ZFPM2: variants seen among roughly 807,000 people sequenced by gnomAD.
ZFPM2 encodes the protein zinc finger protein ZFPM2.
Under a neutral mutation model 98.6 loss-of-function variants are expected in ZFPM2, and 20 were observed. The observed-to-expected ratio is 0.20, with a 90% confidence interval of 0.14 to 0.29. The LOEUF (loss-of-function observed/expected upper bound fraction) is 0.29. ZFPM2 is among the 10% of genes least tolerant of loss of function. The pLI, the probability that ZFPM2 is intolerant of heterozygous loss-of-function variation, is 1.00. For missense variants in ZFPM2, 1,310 were observed against 1,388.6 expected, an observed-to-expected ratio of 0.94 and a Z score of 0.90; for synonymous variants, 518 against 502.7, an observed-to-expected ratio of 1.03 and a Z score of -0.41.
chr8:105,471,186 C>G (rs2130347514), intron 3 of ZFPM2, among the ~76,000 whole-genome samples: 1 of 152,264 alleles, frequency 6.6e-6, no homozygotes, highest in East Asian at 1.9e-4. Context: ...TCTTGGCAAA[C>G]TATGTATACG....
chr8:105,596,014 A>T (rs1472219299), intron 4 of ZFPM2, among the ~76,000 whole-genome samples: 2 of 151,424 alleles, frequency 1.3e-5, no homozygotes, highest in African/African-American at 2.4e-5. Flanking sequence ...AAAAAAAAAA[A>T]AAACCAACAA....
rs1812328307 is a variant in ZFPM2 at position 105,444,482 on chromosome 8, G to A, written c.301+101G>A. Reference sequence around the variant, plus strand: ...CAGTTAGCTTGCAAAAAATGTTTTTGTGTGTGCTGGTTACATGAGAGTTTA... The same window carrying A: ...CAGTTAGCTTGCAAAAAATGTTTTTATGTGTGCTGGTTACATGAGAGTTTA... On this transcript the variant is annotated intron_variant, in intron 3 of 7. Transcript: ENST00000407775. 4 of 738,998 alleles carry A rather than the reference G, an allele frequency of 5.4e-6. No homozygotes were observed. The East Asian group carries it at 1.1e-4, about 21-fold the overall frequency. The allele number at this position is 738,998 out of a possible 1,614,324, so 45.8% of individuals were successfully genotyped here.
chr8:105,480,123 A>T (rs1813086036), intron 3 of ZFPM2, among the ~76,000 whole-genome samples: 1 of 152,142 alleles, frequency 6.6e-6, no homozygotes, highest in Non-Finnish European at 1.5e-5. Flanking sequence ...TGCTTTTCTC[A>T]TAGGTAGCTG....
At chr8:105,378,805 A>G (rs1810782815) in intron 1 of ZFPM2, among the ~76,000 whole-genome samples, 1 of 152,160 alleles carries the variant, frequency 6.6e-6, no homozygotes, top group Admixed American at 6.5e-5. Context: ...TATTTCTGAT[A>G]TTTGCCACTA....
intron 5 of ZFPM2, among the ~76,000 whole-genome samples, chr8:105,729,553 C>G (rs552350016): frequency 5.9e-5 from 9 of 151,730 alleles, no homozygotes; most frequent in African/African-American, 2.2e-4. Context: ...TGTATTAAAG[C>G]CATAATTGTC....
At chr8:105,700,312 A>G (rs1248195515) in intron 5 of ZFPM2, among the ~76,000 whole-genome samples, 5 of 152,220 alleles carry the variant, frequency 3.3e-5, no homozygotes, top group Admixed American at 3.3e-4. Flanking sequence ...AGAATTAATC[A>G]GGTTTTCAAG....
At chr8:105,753,429 G>A (rs1215219099) in intron 5 of ZFPM2, among the ~76,000 whole-genome samples, 12 of 152,068 alleles carry the variant, frequency 7.9e-5, no homozygotes, top group African/African-American at 2.9e-4. Context: ...CTGTTCTTGG[G>A]AATAGTCTTC....
At chr8:105,784,610 T>G (rs2131122868) in intron 5 of ZFPM2, among the ~76,000 whole-genome samples, 2 of 146,010 alleles carry the variant, frequency 1.4e-5, no homozygotes, top group South Asian at 4.2e-4. Flanking sequence ...TCAGGTGCTG[T>G]TCTTAAGCTT....
intron 1 of ZFPM2, among the ~76,000 whole-genome samples, chr8:105,413,747 A>G (rs1482385137): frequency 6.6e-6 from 1 of 151,812 alleles, no homozygotes; most frequent in Non-Finnish European, 1.5e-5. Flanking sequence ...TGAGAAATGT[A>G]TCCCATTGAC....
chr8:105,353,433 AG>A (rs758523826), intron 1 of ZFPM2, among the ~76,000 whole-genome samples: 26 of 152,180 alleles, frequency 1.7e-4, no homozygotes, highest in Non-Finnish European at 3.2e-4. Context: ...TACACAGGCA[AG>A]GATTTTTGTT....
chr8:105,694,245 C>A (rs1810963985), intron 5 of ZFPM2, among the ~76,000 whole-genome samples: 1 of 152,004 alleles, frequency 6.6e-6, no homozygotes, highest in African/African-American at 2.4e-5. Context: ...CGCGGCCTCC[C>A]AAAGTGCTGG....
At chr8:105,544,735 T>G (rs1190411496) in intron 3 of ZFPM2, among the ~76,000 whole-genome samples, 3 of 152,202 alleles carry the variant, frequency 2.0e-5, no homozygotes, top group African/African-American at 7.2e-5. Context: ...TTAAGAAAAG[T>G]GACCCCCCAA....
At position 105,653,854 on chromosome 8, in the gene ZFPM2, C is replaced by CT. The variant is rs60218363; in HGVS notation, c.532+19530dup. ...CTTTATACAACAGCTTGTGTGCTAT[C>CT]TTTTTTTTTTTTTTTTTTTTTTTTT... On this transcript the variant is annotated intron_variant, in intron 5 of 7. Coordinates refer to ENST00000407775, the MANE Select transcript of ZFPM2 (RefSeq NM_012082.4). Among the ~76,000 whole-genome samples the CT allele has an allele frequency of 6.4e-3, 227 of 35,294 alleles. 33 individuals carry two copies. The highest frequency in any genetic ancestry group is 0.019 in the East Asian group (21 of 1,116). The allele number at this position is 35,294 out of a possible 152,430, so 23.2% of individuals were successfully genotyped here.
intron 1 of ZFPM2, among the ~76,000 whole-genome samples, chr8:105,413,507 T>TATATAC (rs1554602641): frequency 6.6e-5 from 9 of 135,554 alleles, no homozygotes; most frequent in African/African-American, 2.4e-4. Flanking sequence ...TATATATATA[T>TATATAC]ACACACACAC....
intron 1 of ZFPM2, among the ~76,000 whole-genome samples, chr8:105,341,583 A>G (rs543077089): frequency 2.6e-4 from 40 of 152,056 alleles, no homozygotes; most frequent in Non-Finnish European, 4.0e-4. Context: ...CACAGTTGAT[A>G]TATCCTCATT....
At chr8:105,733,291 A>T (rs1342084545) in intron 5 of ZFPM2, among the ~76,000 whole-genome samples, 1 of 151,872 alleles carries the variant, frequency 6.6e-6, no homozygotes, top group Non-Finnish European at 1.5e-5. Context: ...TTAGTTGCAC[A>T]TTGGCTAATT....
chr8:105,464,127 A>G (rs1347363746), intron 3 of ZFPM2, among the ~76,000 whole-genome samples: 1 of 151,970 alleles, frequency 6.6e-6, no homozygotes, highest in African/African-American at 2.4e-5. Flanking sequence ...AATTGTTCCC[A>G]TAAGATCTCT....
At chr8:105,540,754 T>C (rs1342488449) in intron 3 of ZFPM2, among the ~76,000 whole-genome samples, 1 of 152,132 alleles carries the variant, frequency 6.6e-6, no homozygotes, top group Non-Finnish European at 1.5e-5. Flanking sequence ...TCTTCTGTAG[T>C]TCTTTCCTGT....
chr8:105,325,652 A>G (rs1410377301), intron 1 of ZFPM2, among the ~76,000 whole-genome samples: 1 of 151,738 alleles, frequency 6.6e-6, no homozygotes, highest in East Asian at 1.9e-4. Context: ...TTGAACTCTA[A>G]GAACATTGAT....
Sources: allele counts gnomAD v4.1 joint callset (sites outside exome capture counted in the v4.1 genomes callset), GRCh38; gene constraint gnomAD v4.1.1; transcripts MANE v1.5; gene names NCBI Gene and HGNC (gene_info 2026-07-23, HGNC 2026-07-21).